PRDM12: variants seen among roughly 807,000 people sequenced by gnomAD.
The protein encoded by PRDM12 is PR domain zinc finger protein 12.
PRDM12 carries 17 observed loss-of-function variants against 29.6 expected under a neutral mutation model. The ratio of observed to expected loss-of-function variants is 0.57; its 90% CI spans 0.39 to 0.86. The LOEUF is 0.86. PRDM12 is among the 40% of genes least tolerant of loss of function. The pLI, the probability that PRDM12 is intolerant of heterozygous loss-of-function variation, is 0.00. For missense variants in PRDM12, 422 were observed against 510.8 expected, an observed-to-expected ratio of 0.83 and a Z score of 1.68; for synonymous variants, 231 against 225.8, an observed-to-expected ratio of 1.02 and a Z score of -0.21.
chr9:130,678,267 T>C (rs557601981), intron 3 of PRDM12, among the ~76,000 whole-genome samples: 1 of 151,794 alleles, frequency 6.6e-6, no homozygotes, highest in African/African-American at 2.4e-5. Context: ...ACTCTGGTGC[T>C]GTCAGCTTGG....
intron 3 of PRDM12, among the ~76,000 whole-genome samples, chr9:130,676,514 A>G (rs1830844359): frequency 6.6e-6 from 1 of 152,180 alleles, no homozygotes; most frequent in Non-Finnish European, 1.5e-5. Context: ...ACAAAAAAGA[A>G]AAACAAAAAA....
rs1830895574 is a variant in PRDM12, at chr9:130,681,083, C to G, written c.683-165C>G. On this transcript the variant is annotated intron_variant, in intron 4 of 4. Coordinates refer to ENST00000253008, the MANE Select transcript of PRDM12 (RefSeq NM_021619.3). This position sits in a 1 kb window ranked among gnomAD's most constrained non-coding sequence, Gnocchi z 8.1. ...CCCCAGCCGGGGTACCCTTCGCTGTCCCTCCAGTCCGTCTGCCACCGTCCA... is the reference window on the plus strand; with the variant it reads ...CCCCAGCCGGGGTACCCTTCGCTGTGCCTCCAGTCCGTCTGCCACCGTCCA... Among the ~76,000 whole-genome samples, 1 of 152,150 alleles carries G rather than the reference C, an allele frequency of 6.6e-6. No individual in the cohort carries two copies. The highest frequency in any genetic ancestry group is 2.4e-5 in the African/African-American group (1 of 41,458).
chr9:130,671,201 C>T (rs1163838086), intron 3 of PRDM12, among the ~76,000 whole-genome samples: 1 of 152,034 alleles, frequency 6.6e-6, no homozygotes, highest in Non-Finnish European at 1.5e-5. Flanking sequence ...AAAAATTAGC[C>T]AGTCATGGTG....
chr9:130,676,587 C>A (rs1214380507), intron 3 of PRDM12, among the ~76,000 whole-genome samples: 1 of 152,212 alleles, frequency 6.6e-6, no homozygotes, highest in Non-Finnish European at 1.5e-5. Flanking sequence ...CCAGCTCTGA[C>A]CTGCTGGCCT....
At chr9:130,671,804 TCTG>T (rs1830791664) in intron 3 of PRDM12, among the ~76,000 whole-genome samples, 1 of 152,208 alleles carries the variant, frequency 6.6e-6, no homozygotes, top group African/African-American at 2.4e-5. Flanking sequence ...GAGAAGGACC[TCTG>T]CTGTGATGTT....
rs1253775972 is a variant in PRDM12, at chr9:130,664,662, C to T, written c.9C>T (p.Gly3=). 3.8e-6 allele frequency: 6 copies of T among 1,566,964 alleles called. No homozygotes were observed. In the East Asian group the frequency reaches 1.4e-4, roughly 37 times the overall value. ...GGAGCTCCGGGCCGCCCATGATGGG[C>T]TCCGTGCTCCCGGCTGAGGCCCTGG... MM[G]SVLPAEALVL... Residue 3 remains glycine, a synonymous_variant, in exon 1 of 5, where the codon GGC becomes GGT. Transcript: ENST00000253008. The surrounding 1 kb of genome is among the most constrained non-coding windows in gnomAD (Gnocchi z 6.4).
intron 3 of PRDM12, among the ~76,000 whole-genome samples, chr9:130,671,082 C>T (rs577650351): frequency 7.2e-5 from 11 of 152,278 alleles, no homozygotes; most frequent in South Asian, 2.1e-4. Context: ...TGGTGGCTCA[C>T]GCCTGTAATC....
At position 130,666,685 on chromosome 9, in the gene PRDM12, G is replaced by A. The variant is rs775563569; in HGVS notation, c.301G>A (p.Gly101Ser). The A allele has an allele frequency of 6.2e-7, 1 of 1,613,488 alleles. No individual in the cohort carries two copies. Among genetic ancestry groups the A allele is most frequent in the Non-Finnish European group, 8.5e-7 (1 of 1,179,862 alleles). The change falls in exon 2 of 5, where the codon GGC becomes AGC. Residue 101 changes from glycine to serine, a missense_variant. Physicochemically the swap from Gly to Ser is moderately conservative, Grantham distance 56 (BLOSUM62 0). This residue lies in a region of PRDM12 where 300 missense variants were observed against 350.0 expected (regional missense o/e 0.86). Transcript: ENST00000253008. ...AQSSIPGEGLGIFSKTWIKAG... is the reference protein window; with the variant it reads ...AQSSIPGEGLSIFSKTWIKAG... Reference sequence around the variant, plus strand: ...GAGCTCCATCCCTGGCGAGGGCCTCGGCATCTTCTCCAAGACGTGGATCAA... The same window carrying A: ...GAGCTCCATCCCTGGCGAGGGCCTCAGCATCTTCTCCAAGACGTGGATCAA...
intron 1 of PRDM12, among the ~76,000 whole-genome samples, chr9:130,665,464 C>T (rs1192365297): frequency 1.3e-5 from 2 of 152,196 alleles, no homozygotes; most frequent in East Asian, 3.9e-4. Flanking sequence ...GCTCTGGCAT[C>T]TCTGCGCGTC....
At chr9:130,675,434 T>C (rs1830833251) in intron 3 of PRDM12, among the ~76,000 whole-genome samples, 1 of 152,150 alleles carries the variant, frequency 6.6e-6, no homozygotes, top group Non-Finnish European at 1.5e-5. Context: ...CCTGTGCTCT[T>C]GCTGGACACT....
intron 4 of PRDM12, among the ~76,000 whole-genome samples, chr9:130,680,655 A>ATTTTTTTTTT (rs1247286672): frequency 2.3e-5 from 2 of 85,576 alleles, no homozygotes; most frequent in African/African-American, 1.5e-4. Flanking sequence ...ATATATATAT[A>ATTTTTTTTTT]TATATTTTTT....
chr9:130,680,659 A>ATTTTTTTTT (rs767033169), intron 4 of PRDM12, among the ~76,000 whole-genome samples: 19 of 72,158 alleles, frequency 2.6e-4, no homozygotes, highest in African/African-American at 7.8e-4. Context: ...ATATATATAT[A>ATTTTTTTTT]TTTTTTTTTT....
In PRDM12 at chr9:130,680,634, A is replaced by AAAATAT. The variant is rs1469778040; in HGVS notation, c.683-613_683-612insAATATA. On this transcript the variant is annotated intron_variant, in intron 4 of 4. Coordinates refer to ENST00000253008, the MANE Select transcript of PRDM12 (RefSeq NM_021619.3). ...AGGGAGACTCCGTCTAAAAAAAAAA[A>AAAATAT]ATATATATATATATATATATATATA... Among the ~76,000 whole-genome samples, 31 of 88,492 alleles carry AAAATAT rather than the reference A, an allele frequency of 3.5e-4. No homozygotes were observed. In the East Asian group the frequency reaches 9.3e-3, roughly 27 times the overall value. The allele number at this position is 88,492 out of a possible 152,430, so 58.1% of individuals were successfully genotyped here.
intron 2 of PRDM12, among the ~76,000 whole-genome samples, 173 bp downstream of exon 2, chr9:130,666,971 C>A (rs1830740025): frequency 6.6e-6 from 1 of 152,228 alleles, no homozygotes; most frequent in African/African-American, 2.4e-5. Context: ...GAGCTCACCC[C>A]GCCTCTAGGC....
intron 2 of PRDM12, among the ~76,000 whole-genome samples, chr9:130,667,732 T>C (rs1830747179): frequency 1.3e-5 from 2 of 151,998 alleles, no homozygotes; most frequent in Admixed American, 6.6e-5. Flanking sequence ...CAAGCTGGAG[T>C]GCCACAGTGA....
chr9:130,664,704 G>T lies in PRDM12; in HGVS notation c.51G>T (p.Leu17=). 1 of 1,609,458 alleles carries T rather than the reference G, an allele frequency of 6.2e-7. No individual in the cohort carries two copies. The highest frequency in any genetic ancestry group is 1.3e-5 in the African/African-American group (1 of 74,958). ...PAEALVLKTG[L]KAPGLALAEV... ...AGGCCCTGGTGCTCAAGACCGGGCTGAAGGCGCCGGGACTGGCGCTGGCCG... is the reference window on the plus strand; with the variant it reads ...AGGCCCTGGTGCTCAAGACCGGGCTTAAGGCGCCGGGACTGGCGCTGGCCG... The change falls in exon 1 of 5, where the codon CTG becomes CTT. Residue 17 remains leucine, a synonymous_variant. Transcript: ENST00000253008. The surrounding 1 kb of genome is among the most constrained non-coding windows in gnomAD (Gnocchi z 6.4).
chr9:130,681,735 G>T lies in PRDM12; in HGVS notation c.*66G>T, dbSNP rs112209687. On this transcript the variant is annotated 3_prime_UTR_variant, in exon 5 of 5. Coordinates refer to ENST00000253008, the MANE Select transcript of PRDM12 (RefSeq NM_021619.3). This position sits in a 1 kb window ranked among gnomAD's most constrained non-coding sequence, Gnocchi z 8.1. ...CCCCGGCACCCCGGCCCCGCAGCGC[G>T]ACTCGCCCTCCAGCCCCAACCCCCG... 1 of 979,330 alleles carries T rather than the reference G, an allele frequency of 1.0e-6. No individual in the cohort carries two copies. Among genetic ancestry groups the T allele is most frequent in the South Asian group, 4.6e-5 (1 of 21,802 alleles). 60.7% of individuals were successfully genotyped at this position (979,330 alleles called of 1,614,324 possible).
At chr9:130,666,056 G>A (rs1300769550) in intron 1 of PRDM12, among the ~76,000 whole-genome samples, 2 of 152,196 alleles carry the variant, frequency 1.3e-5, no homozygotes, top group Non-Finnish European at 2.9e-5. Context: ...AGCCTGGCCA[G>A]CTGCTGCCGG....
At chr9:130,680,630 A>AT (rs1286921340) in intron 4 of PRDM12, among the ~76,000 whole-genome samples, 2 of 70,634 alleles carry the variant, frequency 2.8e-5, no homozygotes, top group South Asian at 5.2e-4. Flanking sequence ...GTCTAAAAAA[A>AT]AAAAATATAT....
Sources: gnomAD v4.1 joint callset for allele counts (sites outside exome capture counted in the v4.1 genomes callset) on GRCh38, gnomAD v4.1.1 for gene constraint, gnomAD v4.1.1 regional missense constraint, Gnocchi (gnomAD v3.1) non-coding constraint, MANE v1.5 for transcripts, NCBI Gene and HGNC (gene_info 2026-07-23, HGNC 2026-07-21) for gene names.